The following CNNM2 variants were observed in gnomAD, a reference collection of about 807,000 sequenced individuals.
CNNM2 encodes the protein cyclin and CBS domain divalent metal cation transport mediator 2.
In CNNM2, 12 loss-of-function variants were observed where a neutral mutation model predicts 66.9. That is an observed-to-expected ratio of 0.18 (90% confidence interval 0.11 to 0.29). The LOEUF is 0.29. CNNM2 is among the 10% of genes least tolerant of loss of function. The pLI is 1.00. For synonymous variants in CNNM2, 557 were observed against 501.8 expected, an observed-to-expected ratio of 1.11 and a Z score of -1.47; for missense variants, 705 against 1,167.7, an observed-to-expected ratio of 0.60 and a Z score of 5.77.
At chr10:103,051,130 G>T (rs543059723) in intron 2 of CNNM2, among the ~76,000 whole-genome samples, 1 of 152,040 alleles carries the variant, frequency 6.6e-6, no homozygotes, top group Non-Finnish European at 1.5e-5. Context: ...CTCAAAGCAG[G>T]GTGCTTTTTA....
chr10:103,014,026 A>G (rs574836887), intron 1 of CNNM2, among the ~76,000 whole-genome samples: 15 of 152,356 alleles, frequency 9.8e-5, no homozygotes, highest in South Asian at 4.1e-4. Context: ...AAATTGTAAG[A>G]AACAGTATTT....
At position 102,934,547 on chromosome 10, in the gene CNNM2, C is replaced by T. The variant is rs532496174; in HGVS notation, c.1621+14446C>T. On this transcript the variant is annotated intron_variant, in intron 1 of 7. Coordinates refer to ENST00000369878, the MANE Select transcript of CNNM2 (RefSeq NM_017649.5). ...CCACCCACCTCGGCCTCCCAAAGTG[C>T]TGGGATTACAGGCATGAGCCACCGC... is the stretch of plus-strand genomic sequence containing the variant. Among the ~76,000 whole-genome samples the T allele has an allele frequency of 3.9e-5, 6 of 152,170 alleles. No homozygotes were observed. In the South Asian group the frequency reaches 1.2e-3, roughly 32 times the overall value.
chr10:102,920,505 C>A (rs1255892167), intron 1 of CNNM2, among the ~76,000 whole-genome samples: 4 of 152,006 alleles, frequency 2.6e-5, no homozygotes, highest in African/African-American at 9.7e-5. Context: ...GGACTTTAAT[C>A]ACAGGCATTT....
At chr10:102,925,240 G>A (rs1405869666) in intron 1 of CNNM2, among the ~76,000 whole-genome samples, 1 of 124,116 alleles carries the variant, frequency 8.1e-6, no homozygotes, top group African/African-American at 3.0e-5. Flanking sequence ...AGGCTGTGGT[G>A]AACTGAGATC....
chr10:102,933,920 A>C (rs1298870283), intron 1 of CNNM2, among the ~76,000 whole-genome samples: 1 of 152,134 alleles, frequency 6.6e-6, no homozygotes, highest in Admixed American at 6.6e-5. Context: ...CTGCAGCCTC[A>C]AACCCTGGGC....
At chr10:102,948,998 G>A (rs191892801) in intron 1 of CNNM2, among the ~76,000 whole-genome samples, 12 of 152,228 alleles carry the variant, frequency 7.9e-5, no homozygotes, top group Admixed American at 3.9e-4. Context: ...CCTCACATAC[G>A]CTGCTCTCTT....
chr10:103,060,667 T>A (rs2134347804), intron 4 of CNNM2, among the ~76,000 whole-genome samples: 1 of 152,374 alleles, frequency 6.6e-6, no homozygotes, highest in Non-Finnish European at 1.5e-5. Flanking sequence ...ACATAGTGTA[T>A]AATGTACTCT....
intron 1 of CNNM2, among the ~76,000 whole-genome samples, chr10:102,942,537 TG>T (rs1846468241): frequency 6.6e-6 from 1 of 152,248 alleles, no homozygotes; most frequent in Non-Finnish European, 1.5e-5. Context: ...GTTGTGTATA[TG>T]TGCCACATTT....
intron 1 of CNNM2, among the ~76,000 whole-genome samples, chr10:102,989,798 A>G (rs1208504494): frequency 6.6e-6 from 1 of 152,004 alleles, no homozygotes; most frequent in Non-Finnish European, 1.5e-5. Flanking sequence ...TGAGAATCCT[A>G]TCTCAAAATA....
chr10:103,016,380 G>A (rs1013476296), intron 1 of CNNM2, among the ~76,000 whole-genome samples: 1 of 151,812 alleles, frequency 6.6e-6, no homozygotes, highest in African/African-American at 2.4e-5. Context: ...TCAAAATATT[G>A]AAAAGATTTT....
At chr10:103,036,337 G>A (rs780496996) in intron 1 of CNNM2, among the ~76,000 whole-genome samples, 5 of 152,120 alleles carry the variant, frequency 3.3e-5, no homozygotes, top group South Asian at 2.1e-4. Flanking sequence ...CTTAAGGCCC[G>A]GCTTTTAAGG....
At chr10:103,062,797 G>A (rs1383770816) in intron 4 of CNNM2, among the ~76,000 whole-genome samples, 1 of 152,184 alleles carries the variant, frequency 6.6e-6, no homozygotes, top group Admixed American at 6.5e-5. Flanking sequence ...CTATTATTTG[G>A]CCTCCACTGG....
chr10:103,054,855 A>T lies in CNNM2; in HGVS notation c.1903+389A>T, dbSNP rs1245951408. ...TGCCAGCCTGGCACCAGCTTGTTTG[A>T]TGGACAATTGAGTCCAATCTCTCTT... On this transcript the variant is annotated intron_variant, in intron 3 of 7. Transcript: ENST00000369878. This position sits in a 1 kb window ranked among gnomAD's most constrained non-coding sequence, Gnocchi z 5.2. 7.2e-5 allele frequency among the ~76,000 whole-genome samples: 11 copies of T among 152,128 alleles called. No homozygotes were observed. The highest frequency in any genetic ancestry group is 2.4e-4 in the African/African-American group (10 of 41,426).
chr10:103,065,341 A>G (rs1333062227), intron 4 of CNNM2, among the ~76,000 whole-genome samples: 1 of 152,238 alleles, frequency 6.6e-6, no homozygotes, highest in Non-Finnish European at 1.5e-5. Flanking sequence ...TTGTTAAATG[A>G]GAATGCCCGA....
At chr10:103,012,840 A>C (rs753587632) in intron 1 of CNNM2, among the ~76,000 whole-genome samples, 29 of 152,128 alleles carry the variant, frequency 1.9e-4, no homozygotes, top group Non-Finnish European at 2.2e-4. Flanking sequence ...ATCAGATCCA[A>C]AGATACTGAA....
chr10:103,016,746 C>A (rs2064458936), intron 1 of CNNM2, among the ~76,000 whole-genome samples: 1 of 152,172 alleles, frequency 6.6e-6, no homozygotes, highest in South Asian at 2.1e-4. Context: ...TTCTATAGTT[C>A]AAGCATTCAA....
intron 1 of CNNM2, among the ~76,000 whole-genome samples, chr10:103,011,156 C>A (rs2064334543): frequency 6.6e-6 from 1 of 152,100 alleles, no homozygotes; most frequent in South Asian, 2.1e-4. Context: ...TGCTTCTTTG[C>A]TTAATAAAAG....
At chr10:103,068,581 G>A in intron 4 of CNNM2, 48 bp from the exon 5 acceptor site, 1 of 1,467,112 alleles carries the variant, frequency 6.8e-7, no homozygotes, top group Non-Finnish European at 9.4e-7. Context: ...GAGTGTGCCA[G>A]TAGGCTTTTG....
In CNNM2 at chr10:103,077,146, C is replaced by G. The variant is rs766381026; in HGVS notation, c.2594C>G (p.Ala865Gly). Residue 865 changes from alanine to glycine, a missense_variant, in exon 8 of 8, where the codon GCC becomes GGC. Ala to Gly is a moderately conservative substitution (Grantham distance 60). This residue lies in a region of CNNM2 where 194 missense variants were observed against 227.6 expected (regional missense o/e 0.85). Transcript: ENST00000369878. The stretch of plus-strand genomic sequence containing the variant: ...CAGAACTGTGTGACGCACAGTAAGG[C>G]CAACCACAGCCTGCACAACGAAGGC... ...NEQNCVTHSK[A>G]NHSLHNEGAI 19 of 1,613,720 alleles carry G rather than the reference C, an allele frequency of 1.2e-5. No homozygotes were observed. The East Asian group carries it at 2.7e-4, about 23-fold the overall frequency.
Sources: allele counts gnomAD v4.1 joint callset (sites outside exome capture counted in the v4.1 genomes callset), GRCh38; gene constraint gnomAD v4.1.1; regional missense constraint gnomAD v4.1.1; non-coding constraint Gnocchi (gnomAD v3.1); transcripts MANE v1.5; gene names NCBI Gene and HGNC (gene_info 2026-07-23, HGNC 2026-07-21).